TMLHE: variants seen among roughly 807,000 people sequenced by gnomAD.
TMLHE encodes the protein trimethyllysine hydroxylase, epsilon, also known as trimethyllysine dioxygenase, mitochondrial.
In TMLHE, 18 loss-of-function variants were observed where a neutral mutation model predicts 25.7. That is an observed-to-expected ratio of 0.70 (90% confidence interval 0.48 to 1.04). TMLHE has a LOEUF of 1.04. Ranked by LOEUF, TMLHE falls within the 50% of genes least tolerant of loss-of-function variation. TMLHE has a pLI of 0.00. For missense variants in TMLHE, 236 were observed against 259.0 expected (o/e 0.91, Z 0.61); for synonymous variants, 105 against 97.0 (o/e 1.08, Z -0.49).
At chrX:155,515,168 T>A (rs782572507) in intron 3 of TMLHE, among the ~76,000 whole-genome samples, 2 of 111,184 alleles carry the variant, frequency 1.8e-5, no homozygotes, top group Non-Finnish European at 3.8e-5. Flanking sequence ...TTCCTTCCAG[T>A]TTTTCTGTAC....
chrX:155,512,914 C>G (rs1557333967), intron 4 of TMLHE, among the ~76,000 whole-genome samples: 1 of 111,944 alleles, frequency 8.9e-6, no homozygotes, highest in Non-Finnish European at 1.9e-5. Context: ...CGGCTCAAAT[C>G]TGACTAAAGG....
At chrX:155,509,742 C>A (rs2067095428) in intron 5 of TMLHE, among the ~76,000 whole-genome samples, 1 of 111,600 alleles carries the variant, frequency 9.0e-6, no homozygotes, top group Admixed American at 9.5e-5. Flanking sequence ...ATCAGTGTAA[C>A]CATGAGCAAT....
chrX:155,545,723 C>G, intron 1 of TMLHE, among the ~76,000 whole-genome samples: 1 of 111,654 alleles, frequency 9.0e-6, no homozygotes. Context: ...TTTACATACA[C>G]AAATGCTCAG....
intron 3 of TMLHE, among the ~76,000 whole-genome samples, chrX:155,515,014 C>A (rs926333032): frequency 1.8e-5 from 2 of 110,916 alleles, no homozygotes; most frequent in Non-Finnish European, 3.8e-5. Context: ...CTTTTTACTT[C>A]TCTCTCTTTT....
intron 1 of TMLHE, among the ~76,000 whole-genome samples, chrX:155,585,025 A>G (rs782799341): frequency 8.9e-6 from 1 of 112,032 alleles, no homozygotes; most frequent in African/African-American, 3.2e-5. Context: ...CCACACCAAA[A>G]TAACAAACAA....
rs1416065646 is a variant in TMLHE, at chrX:155,565,998, G to T, written c.-1-20721C>A. Among the ~76,000 whole-genome samples, 6 of 61,735 alleles carry T rather than the reference G, an allele frequency of 9.7e-5. 1 individual carries two copies. The highest frequency in any genetic ancestry group is 2.2e-4 in the African/African-American group (6 of 27,872). The allele number at this position is 61,735 out of a possible 115,157, so 53.6% of individuals were successfully genotyped here. A position where few individuals can be genotyped will look rare whatever the true frequency, so the allele number is the denominator to read the frequency against. On this transcript the variant is annotated intron_variant, in intron 1 of 7. Coordinates refer to ENST00000334398, the MANE Select transcript of TMLHE (RefSeq NM_018196.4). The stretch of plus-strand genomic sequence containing the variant: ...ATGAAGAGCCCCCTAAATGCCTTAG[G>T]TTGCTTTGAAAACCTAGGGACCATT...
At chrX:155,508,527 T>G (rs1006478903) in intron 5 of TMLHE, among the ~76,000 whole-genome samples, 10 of 110,609 alleles carry the variant, frequency 9.0e-5, no homozygotes, top group Non-Finnish European at 1.9e-4. Context: ...TTTGGAGAGA[T>G]CATTTCAAGT....
At chrX:155,551,405 T>A (rs1433100846) in intron 1 of TMLHE, among the ~76,000 whole-genome samples, 1 of 86,830 alleles carries the variant, frequency 1.2e-5, no homozygotes, top group Non-Finnish European at 2.1e-5. Context: ...GTAATGGGAT[T>A]GCTGGGTCAA....
At chrX:155,564,345 G>A (rs2067505657) in intron 1 of TMLHE, among the ~76,000 whole-genome samples, 1 of 62,178 alleles carries the variant, frequency 1.6e-5, no homozygotes, top group Admixed American at 1.9e-4. Context: ...AGATATGTGA[G>A]GGGAAGTGGG....
intron 1 of TMLHE, among the ~76,000 whole-genome samples, chrX:155,603,327 C>T (rs782399496): frequency 5.2e-5 from 5 of 96,463 alleles, no homozygotes; most frequent in Non-Finnish European, 1.0e-4. Flanking sequence ...AAGACCCTGT[C>T]GAAAGAAAGA....
intron 2 of TMLHE, among the ~76,000 whole-genome samples, chrX:155,534,418 G>A (rs2067266658): frequency 9.0e-6 from 1 of 111,351 alleles, no homozygotes; most frequent in Admixed American, 9.5e-5. Context: ...ATTTTTAGTA[G>A]AAACAAGGTT....
intron 1 of TMLHE, among the ~76,000 whole-genome samples, chrX:155,569,282 A>C (rs1359042983): frequency 1.7e-5 from 1 of 57,241 alleles, no homozygotes; most frequent in African/African-American, 4.2e-5. Context: ...GGAAGTTTAG[A>C]GAAAAAAGAA....
intron 1 of TMLHE, among the ~76,000 whole-genome samples, chrX:155,581,131 T>C (rs6642299): frequency 0.55 from 60,396 of 110,450 alleles, 14,270 homozygotes; most frequent in Middle Eastern, 0.76. Flanking sequence ...CAGCCCTTCA[T>C]GCTAAAAACT....
intron 1 of TMLHE, among the ~76,000 whole-genome samples, chrX:155,559,898 C>G (rs1557341511): frequency 8.9e-6 from 1 of 112,308 alleles, no homozygotes; most frequent in African/African-American, 3.2e-5. Flanking sequence ...TTTCATCATG[C>G]CATTCTCCTG....
intron 1 of TMLHE, among the ~76,000 whole-genome samples, chrX:155,549,284 G>C (rs1368162788): frequency 9.1e-6 from 1 of 110,265 alleles, no homozygotes; most frequent in Admixed American, 9.6e-5. Context: ...GGACAACCTT[G>C]CCTTGTTCCT....
intron 1 of TMLHE, among the ~76,000 whole-genome samples, chrX:155,608,424 T>C (rs1229740930): frequency 8.9e-6 from 1 of 111,987 alleles, no homozygotes; most frequent in African/African-American, 3.2e-5. Flanking sequence ...TGGATTAGAC[T>C]TAAATGTAAC....
At chrX:155,508,052 T>G (rs1410692691) in intron 5 of TMLHE, among the ~76,000 whole-genome samples, 1 of 110,764 alleles carries the variant, frequency 9.0e-6, no homozygotes, top group Non-Finnish European at 1.9e-5. Context: ...TGCTATTTAC[T>G]AAGACCGAGA....
At chrX:155,557,789 C>G (rs782306119) in intron 1 of TMLHE, among the ~76,000 whole-genome samples, 2 of 111,406 alleles carry the variant, frequency 1.8e-5, no homozygotes, top group African/African-American at 6.5e-5. Context: ...ACTCAAAAAT[C>G]AGTGCTTCAA....
At chrX:155,557,106 G>C (rs1557341003) in intron 1 of TMLHE, among the ~76,000 whole-genome samples, 1 of 111,765 alleles carries the variant, frequency 8.9e-6, no homozygotes, top group African/African-American at 3.3e-5. Flanking sequence ...AATTTGTGTA[G>C]TTAACGCAAT....
Sources: gnomAD v4.1 joint callset for allele counts (sites outside exome capture counted in the v4.1 genomes callset) on GRCh38, gnomAD v4.1.1 for gene constraint, MANE v1.5 for transcripts, NCBI Gene and HGNC (gene_info 2026-07-23, HGNC 2026-07-21) for gene names.